CCDC30: variants seen among roughly 807,000 people sequenced by gnomAD.
CCDC30 encodes the protein coiled-coil domain containing 30.
A neutral mutation model predicts 100.2 loss-of-function variants in CCDC30; 70 were observed. The ratio of observed to expected loss-of-function variants is 0.70; its 90% confidence interval spans 0.58 to 0.85. The LOEUF (loss-of-function observed/expected upper bound fraction) is 0.85. CCDC30 is among the 40% of genes least tolerant of loss of function. The probability of loss-of-function intolerance (pLI) is 0.00; values close to 1 mark genes in which losing one functional copy is unlikely to be tolerated. For missense variants in CCDC30, 652 were observed against 771.2 expected, an observed-to-expected ratio of 0.85 and a Z score of 1.83; for synonymous variants, 233 against 269.5, an observed-to-expected ratio of 0.86 and a Z score of 1.33.
intron 10 of CCDC30, 118 bp downstream of exon 14, chr1:42,589,601 A>G: frequency 1.2e-6 from 1 of 846,620 alleles, no homozygotes; most frequent in Non-Finnish European, 1.9e-6. Flanking sequence ...TCAGTCAGGA[A>G]AGTAGAATCT....
intron 6 of CCDC30, among the ~76,000 whole-genome samples, chr1:42,561,038 C>A (rs1306893759): frequency 6.6e-6 from 1 of 152,182 alleles, no homozygotes; most frequent in Non-Finnish European, 1.5e-5. Context: ...CAAAAAGGAG[C>A]TGTTAGCATT....
intron 6 of CCDC30, among the ~76,000 whole-genome samples, chr1:42,502,049 C>A (rs979070868): frequency 6.6e-6 from 1 of 152,166 alleles, no homozygotes; most frequent in Non-Finnish European, 1.5e-5. Flanking sequence ...TGCCCTGCCC[C>A]CAGAGGTGGA....
chr1:42,462,203 G>C (rs1372135517), upstream of CCDC30, among the ~76,000 whole-genome samples: 2 of 152,046 alleles, frequency 1.3e-5, no homozygotes, highest in Non-Finnish European at 2.9e-5. Flanking sequence ...ATTTACACAA[G>C]TAAAAATTCC....
At chr1:42,565,307 C>A (rs908886861) in intron 6 of CCDC30, among the ~76,000 whole-genome samples, 14 of 151,846 alleles carry the variant, frequency 9.2e-5, no homozygotes, top group African/African-American at 3.1e-4. Flanking sequence ...GGGTTAATAC[C>A]CAAAATATAT....
At chr1:42,583,697 T>A (rs952375846) in intron 9 of CCDC30, among the ~76,000 whole-genome samples, 3 of 152,184 alleles carry the variant, frequency 2.0e-5, no homozygotes, top group Non-Finnish European at 4.4e-5. Context: ...AGTAGGAATA[T>A]ATATTTAATA....
At chr1:42,648,273 A>G (rs763874904) in intron 15 of CCDC30, among the ~76,000 whole-genome samples, 1 of 152,186 alleles carries the variant, frequency 6.6e-6, no homozygotes, top group Non-Finnish European at 1.5e-5. Context: ...AAACACCTAT[A>G]TCAAAAAAGT....
chr1:42,631,647 C>A (rs1647039556), intron 11 of CCDC30, among the ~76,000 whole-genome samples: 1 of 152,222 alleles, frequency 6.6e-6, no homozygotes, highest in Non-Finnish European at 1.5e-5. Context: ...AGAAGTCCAC[C>A]TGGTGTTCTG....
intron 2 of CCDC30, among the ~76,000 whole-genome samples, chr1:42,481,892 T>C (rs756812960): frequency 6.6e-6 from 1 of 152,298 alleles, no homozygotes; most frequent in Non-Finnish European, 1.5e-5. Context: ...AATAATGTTA[T>C]AGCCATGCTG....
At chr1:42,469,056 C>T (rs1036124480) in intron 1 of CCDC30, among the ~76,000 whole-genome samples, 6 of 151,380 alleles carry the variant, frequency 4.0e-5, no homozygotes, top group African/African-American at 9.7e-5. Context: ...GGAGTGAAGA[C>T]GTACAGCAAA....
At position 42,650,210 on chromosome 1, in the gene CCDC30, C is replaced by T. The variant is rs375256931; in HGVS notation, c.1855-3166C>T. On this transcript the variant is annotated intron_variant, in intron 15 of 16. Coordinates refer to ENST00000668663, the Ensembl canonical transcript of CCDC30. ...TTCAAACTATATTACAGGTTGGGCACGGTGGCTCAGGCTTGTAATCCCAGC... is the reference window on the plus strand; with the variant it reads ...TTCAAACTATATTACAGGTTGGGCATGGTGGCTCAGGCTTGTAATCCCAGC... 1.4e-3 allele frequency among the ~76,000 whole-genome samples: 219 copies of T among 152,100 alleles called. 1 individual carries two copies. Among genetic ancestry groups the T allele is most frequent in the African/African-American group, 4.7e-3 (196 of 41,504 alleles).
At chr1:42,457,134 TCCCCTTAC>T in the CCDC30 span, 18 of 1,582,340 alleles carry the variant, frequency 1.1e-5, no homozygotes, top group African/African-American at 2.3e-4. Context: ...CAGCCACTTA[TCCCCTTAC>T]CTCCTGCTTA....
At chr1:42,637,120 C>T (rs904773965) in intron 11 of CCDC30, 117 bp from the exon 16 acceptor site, 107 of 758,032 alleles carry the variant, frequency 1.4e-4, no homozygotes, top group Middle Eastern at 3.8e-4. Context: ...TATCCACATC[C>T]GGTGCCAGTT....
chr1:42,617,713 C>A (rs145947300), intron 11 of CCDC30, among the ~76,000 whole-genome samples: 10 of 152,288 alleles, frequency 6.6e-5, no homozygotes, highest in African/African-American at 2.4e-4. Context: ...GCCACAAGAC[C>A]ACATGAGCCA....
chr1:42,479,768 G>T (rs1024637629), intron 1 of CCDC30, among the ~76,000 whole-genome samples: 1 of 152,044 alleles, frequency 6.6e-6, no homozygotes, highest in Non-Finnish European at 1.5e-5. Context: ...GGGCCACAAG[G>T]GGTTACTCTC....
intron 11 of CCDC30, among the ~76,000 whole-genome samples, chr1:42,621,487 G>GTTTAT (rs886734322): frequency 7.5e-6 from 1 of 133,530 alleles, no homozygotes; most frequent in East Asian, 2.2e-4. Context: ...GGCTAATTTT[G>GTTTAT]TTTATTTTAT....
chr1:42,544,326 C>G (rs1274394474), intron 6 of CCDC30, among the ~76,000 whole-genome samples: 1 of 152,200 alleles, frequency 6.6e-6, no homozygotes, highest in East Asian at 1.9e-4. Context: ...CAAAACAAAA[C>G]AAAAAGACTG....
At chr1:42,640,276 A>G (rs1024549074) in intron 12 of CCDC30, among the ~76,000 whole-genome samples, 5 of 152,172 alleles carry the variant, frequency 3.3e-5, no homozygotes, top group African/African-American at 1.2e-4. Context: ...TGACCACTCA[A>G]ACCAGACTTT....
intron 8 of CCDC30, among the ~76,000 whole-genome samples, chr1:42,578,922 C>T (rs1430926881): frequency 6.6e-5 from 10 of 152,178 alleles, no homozygotes; most frequent in Admixed American, 6.5e-4. Context: ...AAAGAAAGAG[C>T]ATCCAGGCTA....
At chr1:42,557,582 G>A (rs1645395176) in intron 6 of CCDC30, among the ~76,000 whole-genome samples, 1 of 144,578 alleles carries the variant, frequency 6.9e-6, no homozygotes, top group Non-Finnish European at 1.5e-5. Context: ...TGTACTTAAT[G>A]TTTATTTTAT....
Sources: gnomAD v4.1 joint callset for allele counts (sites outside exome capture counted in the v4.1 genomes callset) on GRCh38, gnomAD v4.1.1 for gene constraint, MANE v1.5 for transcripts, NCBI Gene and HGNC (gene_info 2026-07-23, HGNC 2026-07-21) for gene names.